NOTCH3: variants seen among roughly 807,000 people sequenced by gnomAD.
NOTCH3 encodes the protein notch receptor 3, also known as neurogenic locus notch homolog protein 3.
NOTCH3 carries 86 observed loss-of-function variants against 213.3 expected under a neutral mutation model. The ratio of observed to expected loss-of-function variants is 0.40; its 90% CI spans 0.34 to 0.48. NOTCH3 has a LOEUF of 0.48. NOTCH3 is among the 20% of genes least tolerant of loss of function. The pLI is 0.57. For synonymous variants in NOTCH3, 1,354 were observed against 1,355.9 expected (o/e 1.00, Z 0.03); for missense variants, 2,783 against 3,272.6 (o/e 0.85, Z 3.65).
At position 15,177,736 on chromosome 19, in the gene NOTCH3, C is replaced by T; in HGVS notation, c.4192G>A (p.Asp1398Asn). ...PRAACQAKRG[D>N]QRCDRECNSP... ...TTGCACTCGCGGTCGCAGCGCTGGTCCCCGCGCTTGGCCTGGCAGGCGGCG... is the reference window on the plus strand; with the variant it reads ...TTGCACTCGCGGTCGCAGCGCTGGTTCCCGCGCTTGGCCTGGCAGGCGGCG... Residue 1398 changes from aspartate (D) to asparagine (N), a missense_variant, in exon 24 of 33, where the codon GAC becomes AAC. Physicochemically the swap from Asp to Asn is conservative, Grantham distance 23 (BLOSUM62 1). Transcript: ENST00000263388. The T allele has an allele frequency of 2.7e-6, 4 of 1,498,410 alleles. No homozygotes were observed. The highest frequency in any genetic ancestry group is 3.5e-6 in the Non-Finnish European group (4 of 1,130,930). The allele number at this position is 1,498,410 out of a possible 1,614,324, so 92.8% of individuals were successfully genotyped here.
chr19:15,185,509 T>C lies in NOTCH3; in HGVS notation c.2122A>G (p.Ile708Val). ...CACCCGCCAGGTGCATCATAGCAGATGCCGTGACTGCAGGGCTCATGGGCA... is the reference window on the plus strand; with the variant it reads ...CACCCGCCAGGTGCATCATAGCAGACGCCGTGACTGCAGGGCTCATGGGCA... ...PCAHEPCSHG[I>V]CYDAPGGFRC... The change falls in exon 13 of 33, where the codon ATC (isoleucine) becomes GTC (valine). Residue 708 changes from isoleucine to valine, a missense_variant. Physicochemically the swap from Ile to Val is conservative, Grantham distance 29 (BLOSUM62 3). Coordinates refer to ENST00000263388, the MANE Select transcript of NOTCH3 (RefSeq NM_000435.3). This position sits in a 1 kb window ranked among gnomAD's most constrained non-coding sequence, Gnocchi z 4.2. 1 of 1,611,674 alleles carries C rather than the reference T, an allele frequency of 6.2e-7. No individual in the cohort carries two copies. Among genetic ancestry groups the C allele is most frequent in the South Asian group, 1.1e-5 (1 of 90,952 alleles).
Position 15,178,047 on chromosome 19 carries a change from C to G in NOTCH3, c.3881G>C (p.Arg1294Pro). ...GACGCCCACCGGGCACTGCAGCTCCCGGCAGGAGCGCGCCACCCGCTCGCA... is the reference window on the plus strand; with the variant it reads ...GACGCCCACCGGGCACTGCAGCTCCGGGCAGGAGCGCGCCACCCGCTCGCA... ...PRCERVARSC[R>P]ELQCPVGVPC... The change falls in exon 24 of 33, where the codon CGG becomes CCG. Residue 1294 changes from arginine (R) to proline (P), a missense_variant. Around this residue, in one of 6 missense-constraint regions of NOTCH3, gnomAD observed 861 missense variants for 909.1 expected, o/e 0.95. Transcript: ENST00000263388. The G allele has an allele frequency of 6.6e-7, 1 of 1,517,606 alleles. No individual in the cohort carries two copies. Among genetic ancestry groups the G allele is most frequent in the Non-Finnish European group, 8.8e-7 (1 of 1,138,354 alleles). 94.0% of individuals were successfully genotyped at this position (1,517,606 alleles called of 1,614,324 possible).
Position 15,189,432 on chromosome 19 carries a change from G to T in NOTCH3, c.1037-4C>A. 1 of 1,613,622 alleles carries T rather than the reference G, an allele frequency of 6.2e-7. No homozygotes were observed. The highest frequency in any genetic ancestry group is 1.1e-5 in the South Asian group (1 of 91,086). ...TCATCCAGGTGACACAGGAGGCCTG[G>T]GAAGTGGTAAGCAGAAGTCATAGGC... On this transcript the variant is annotated splice_region_variant and splice_polypyrimidine_tract_variant and intron_variant, in intron 6 of 32. Transcript: ENST00000263388.
rs545858293 is a variant in NOTCH3 at position 15,180,976 on chromosome 19, C to A, written c.2979G>T (p.Thr993=). The A allele has an allele frequency of 5.0e-6, 8 of 1,594,508 alleles. No individual in the cohort carries two copies. In the African/African-American group the frequency reaches 6.7e-5, roughly 13 times the overall value. Residue 993 remains threonine (T), a synonymous_variant, in exon 18 of 33, where the codon ACG becomes ACT. Transcript: ENST00000263388. The stretch of plus-strand genomic sequence containing the variant: ...CTCCACCCACCTGGCACTGCGGGCC[C>A]GTGAAGCTCTCGAGGCAGGTGCAGC... ...GFRCTCLESF[T]GPQCQTLVDW...
In NOTCH3 at chr19:15,185,299, C is replaced by T. The variant is rs377521258; in HGVS notation, c.2254G>A (p.Asp752Asn). The T allele has an allele frequency of 1.1e-5, 17 of 1,612,974 alleles. No individual in the cohort carries two copies. The highest frequency in any genetic ancestry group is 8.8e-5 in the South Asian group (8 of 91,074). Residue 752 changes from aspartate to asparagine, a missense_variant, in exon 14 of 33, where the codon GAT (aspartate) becomes AAT (asparagine). Around this residue, in one of 6 missense-constraint regions of NOTCH3, gnomAD observed 861 missense variants for 909.1 expected, o/e 0.95. Transcript: ENST00000263388. This position sits in a 1 kb window ranked among gnomAD's most constrained non-coding sequence, Gnocchi z 4.2. The stretch of plus-strand genomic sequence containing the variant: ...CAGGTGCAGTGGAAACCCATTCCAT[C>T]GCTGCTGCATGTCCCACCGGCCCTG... ...PCRAGGTCSS[D>N]GMGFHCTCPP...
rs2046626284 is a variant in NOTCH3 at position 15,160,012 on chromosome 19, G to A, written c.*650C>T. On this transcript the variant is annotated 3_prime_UTR_variant, in exon 33 of 33. Coordinates refer to ENST00000263388, the MANE Select transcript of NOTCH3 (RefSeq NM_000435.3). ...CATGTCCCATCTGGAATGCAGTGAA[G>A]TGAGGGAGGTGGGGTGGGGAGGAGG... The A allele has an allele frequency of 4.3e-6, 1 of 233,842 alleles. No homozygotes were observed. Among genetic ancestry groups the A allele is most frequent in the South Asian group, 1.8e-4 (1 of 5,540 alleles). 14.5% of individuals were successfully genotyped at this position (233,842 alleles called of 1,614,324 possible).
intron 27 of NOTCH3, 75 bp from the exon 28 acceptor site, chr19:15,170,245 G>T: frequency 6.7e-7 from 1 of 1,500,042 alleles, no homozygotes; most frequent in South Asian, 1.1e-5. Flanking sequence ...TTTGGGGTGG[G>T]GTCAGAGGTC....
chr19:15,170,440 G>T lies in NOTCH3; in HGVS notation c.5005C>A (p.Arg1669Ser). ...GGGAACCAGAGGGTGCTGTGCTCGCGCTTGCGCCGGGCCACCATGACACCC... is the reference window on the plus strand; with the variant it reads ...GGGAACCAGAGGGTGCTGTGCTCGCTCTTGCGCCGGGCCACCATGACACCC... ...VLGVMVARRK[R>S]EHSTLWFPEG... The change falls in exon 27 of 33, where the codon CGC becomes AGC. Residue 1669 changes from arginine to serine, a missense_variant. Arg to Ser is a moderately radical substitution (Grantham distance 110). Transcript: ENST00000263388. 1 of 1,611,352 alleles carries T rather than the reference G, an allele frequency of 6.2e-7. No homozygotes were observed. The highest frequency in any genetic ancestry group is 8.5e-7 in the Non-Finnish European group (1 of 1,179,990).
chr19:15,195,939 G>A lies in NOTCH3; in HGVS notation c.197+1561C>T, dbSNP rs533531047. ...AGGGGGGAGCGCAGACCTAGTTAGG[G>A]GGGGCACGGCGGGTGAGGCGAGGAC... On this transcript the variant is annotated intron_variant, in intron 2 of 32. Transcript: ENST00000263388. Among the ~76,000 whole-genome samples the A allele has an allele frequency of 3.1e-3, 468 of 151,402 alleles. 6 individuals are homozygous for A. The highest frequency in any genetic ancestry group is 0.011 in the African/African-American group (444 of 41,292).
chr19:15,180,600 C>G, intron 19 of NOTCH3, 81 bp downstream of exon 19: 1 of 1,482,852 alleles, frequency 6.7e-7, no homozygotes, highest in South Asian at 1.2e-5. Context: ...GTGGCACCCC[C>G]ATTCGGCTCA....
At chr19:15,178,720 C>A in intron 23 of NOTCH3, 103 bp downstream of exon 23, 1 of 843,446 alleles carries the variant, frequency 1.2e-6, no homozygotes, top group Non-Finnish European at 2.0e-6. Context: ...CCCTTCCCTT[C>A]GATGTCTCCC....
chr19:15,188,841 G>T, intron 8 of NOTCH3, 148 bp downstream of exon 8: 1 of 777,270 alleles, frequency 1.3e-6, no homozygotes, highest in Non-Finnish European at 2.1e-6. Flanking sequence ...TTCCCTTCTG[G>T]TCCTGACCCC....
chr19:15,177,380 G>A (rs1448312780), intron 24 of NOTCH3, 145 bp downstream of exon 24: 1 of 753,178 alleles, frequency 1.3e-6, no homozygotes, highest in South Asian at 1.5e-5. Flanking sequence ...GGACAGACAC[G>A]TGGGACACAC....
At position 15,160,780 on chromosome 19, in the gene NOTCH3, G is replaced by A. The variant is rs776195742; in HGVS notation, c.6848C>T (p.Thr2283Ile). 1.9e-6 allele frequency: 3 copies of A among 1,613,908 alleles called. No homozygotes were observed. Among genetic ancestry groups the A allele is most frequent in the African/African-American group, 2.7e-5 (2 of 74,934 alleles). ...TGGCTGGGCAGGCAGTGCCCCAGTG[G>A]TGGTGGCCATGGCCCCAGTGGCAGT... ...PATATGAMAT[T>I]TGALPAQPLP... The change falls in exon 33 of 33, where the codon ACC becomes ATC. Residue 2283 changes from threonine (T) to isoleucine (I), a missense_variant. Thr to Ile is a moderately conservative substitution (Grantham distance 89). Around this residue, in one of 6 missense-constraint regions of NOTCH3, gnomAD observed 441 missense variants for 432.1 expected, o/e 1.02. Transcript: ENST00000263388.
At chr19:15,184,567 C>T (rs1350044866) in intron 15 of NOTCH3, 117 bp from the exon 16 acceptor site, 12 of 987,750 alleles carry the variant, frequency 1.2e-5, no homozygotes, top group Non-Finnish European at 1.7e-5. Context: ...ATAAGCCGTG[C>T]TGTCATTCGT....
rs1242208956 is a variant in NOTCH3, at chr19:15,180,731, C to T, written c.3092G>A (p.Arg1031His). 6.4e-7 allele frequency: 1 copy of T among 1,573,444 alleles called. No homozygotes were observed. The highest frequency in any genetic ancestry group is 8.6e-7 in the Non-Finnish European group (1 of 1,159,978). ...GGGCAAGCTTCGGATGTCACAGAGG[C>T]GTCCGCTCCATCCAGGGGGACAAAG... ...YCLCPPGWSGRLCDIRSLPCR... is the reference protein window; with the variant it reads ...YCLCPPGWSGHLCDIRSLPCR... Residue 1031 changes from arginine (R) to histidine (H), a missense_variant, in exon 19 of 33, where the codon CGC becomes CAC. Physicochemically the swap from Arg to His is conservative, Grantham distance 29. Transcript: ENST00000263388.
chr19:15,174,017 G>A lies in NOTCH3; in HGVS notation c.4736+51C>T, dbSNP rs187806351. 4.4e-4 allele frequency: 629 copies of A among 1,413,858 alleles called. 5 individuals carry two copies. The African/African-American group carries it at 7.9e-3, about 18-fold the overall frequency. The allele number at this position is 1,413,858 out of a possible 1,614,324, so 87.6% of individuals were successfully genotyped here. ...GAAACACACAAGACCTGGATCAACA[G>A]CATCTCTCCTCTCCCCAGCCACCAC... is the stretch of plus-strand genomic sequence containing the variant. On this transcript the variant is annotated intron_variant, in intron 25 of 32. Transcript: ENST00000263388.
In NOTCH3 at chr19:15,192,020, G is replaced by A. The variant is rs775267348; in HGVS notation, c.619C>T (p.Arg207Cys). 10 of 1,613,076 alleles carry A rather than the reference G, an allele frequency of 6.2e-6. No homozygotes were observed. The highest frequency in any genetic ancestry group is 2.2e-5 in the East Asian group (1 of 44,874). ...PAVPCAPSPC[R>C]NGGTCRQSGD... is the part of the protein sequence containing the mutation. ...CTCTGCCTGCAGGTGCCCCCGTTAC[G>A]GCATGGTGAGGGTGCACAGGGCACC... The change falls in exon 4 of 33, where the codon CGT (arginine) becomes TGT (cysteine). Residue 207 changes from arginine (R) to cysteine (C), a missense_variant. Arg to Cys is a radical substitution (Grantham distance 180). Coordinates refer to ENST00000263388, the MANE Select transcript of NOTCH3 (RefSeq NM_000435.3).
rs2046835137 is a variant in NOTCH3 at position 15,180,962 on chromosome 19, T to C, written c.2993A>G (p.Gln998Arg). Residue 998 changes from glutamine (Q) to arginine (R), a missense_variant and splice_region_variant, in exon 18 of 33, where the codon CAG (glutamine) becomes CGG (arginine). Gln to Arg is a conservative substitution (Grantham distance 43). Transcript: ENST00000263388. Reference protein sequence around the residue: ...CLESFTGPQCQTLVDWCSRQP... With the variant: ...CLESFTGPQCRTLVDWCSRQP... Reference sequence around the variant, plus strand: ...CAGGTCCCCAGTAACTCCACCCACCTGGCACTGCGGGCCCGTGAAGCTCTC... The same window carrying C: ...CAGGTCCCCAGTAACTCCACCCACCCGGCACTGCGGGCCCGTGAAGCTCTC... 6.3e-7 allele frequency: 1 copy of C among 1,590,162 alleles called. No individual in the cohort carries two copies. The highest frequency in any genetic ancestry group is 8.6e-7 in the Non-Finnish European group (1 of 1,169,194).
Sources: gnomAD v4.1 joint callset for allele counts (sites outside exome capture counted in the v4.1 genomes callset) on GRCh38, gnomAD v4.1.1 for gene constraint, gnomAD v4.1.1 regional missense constraint, Gnocchi (gnomAD v3.1) non-coding constraint, MANE v1.5 for transcripts, NCBI Gene and HGNC (gene_info 2026-07-23, HGNC 2026-07-21) for gene names.